TAB2: variants seen among roughly 807,000 people sequenced by gnomAD.
TAB2 encodes the protein TGF-beta-activated kinase 1 and MAP3K7-binding protein 2.
A neutral mutation model predicts 65.0 loss-of-function variants in TAB2; 3 were observed. That is an observed-to-expected ratio of 0.05 (90% confidence interval 0.02 to 0.12). TAB2 has a LOEUF of 0.12. Ranked by LOEUF, TAB2 falls within the 10% of genes least tolerant of loss-of-function variation. The pLI is 1.00. For synonymous variants in TAB2, 298 were observed against 285.1 expected, an observed-to-expected ratio of 1.05 and a Z score of -0.46; for missense variants, 623 against 840.3, an observed-to-expected ratio of 0.74 and a Z score of 3.20.
intron 1 of TAB2, among the ~76,000 whole-genome samples, chr6:149,235,450 G>A (rs567562168): frequency 2.0e-5 from 3 of 152,336 alleles, no homozygotes; most frequent in African/African-American, 7.2e-5. Flanking sequence ...TGTGTTTGGT[G>A]TAACAGCAGA....
At position 149,378,388 on chromosome 6, in the gene TAB2, A is replaced by G. The variant is rs775795498; in HGVS notation, c.473A>G (p.His158Arg). The G allele has an allele frequency of 9.3e-6, 15 of 1,614,216 alleles. No homozygotes were observed. The highest frequency in any genetic ancestry group is 1.6e-4 in the Middle Eastern group (1 of 6,062). Residue 158 changes from histidine (H) to arginine (R), a missense_variant, in exon 3 of 7, where the codon CAC becomes CGC. By Grantham distance (29) the His-to-Arg change is conservative. Coordinates refer to ENST00000637181, the MANE Select transcript of TAB2 (RefSeq NM_001292034.3). ...ASNSAPHLGF[H>R]LGSKGTSSLS... ...AATTCAGCACCACATCTTGGATTTC[A>G]CTTAGGCAGCAAAGGAACATCTAGC...
chr6:149,299,256 G>GTCTATTAGT (rs1268840382), intron 1 of TAB2, among the ~76,000 whole-genome samples: 12 of 152,198 alleles, frequency 7.9e-5, no homozygotes, highest in African/African-American at 2.7e-4. Flanking sequence ...ATTGGCCACT[G>GTCTATTAGT]GTCTTATCAG....
intron 3 of TAB2, among the ~76,000 whole-genome samples, chr6:149,395,241 A>G (rs1195067771): frequency 1.3e-5 from 2 of 152,238 alleles, no homozygotes; most frequent in Admixed American, 6.5e-5. Flanking sequence ...AGTGTTTTTT[A>G]TAAGCAGCAT....
intron 1 of TAB2, among the ~76,000 whole-genome samples, chr6:149,249,123 G>GACAC (rs1309097852): frequency 6.9e-6 from 1 of 144,222 alleles, no homozygotes; most frequent in Non-Finnish European, 1.5e-5. Context: ...TCTGCACACA[G>GACAC]ACACACACAC....
intron 6 of TAB2, chr6:149,401,429 A>G (rs1389660150): frequency 6.5e-6 from 1 of 154,122 alleles, no homozygotes; most frequent in Non-Finnish European, 1.5e-5. Context: ...TTATATCAGA[A>G]ACAATAGATT....
At chr6:149,380,143 G>A (rs1237263733) in intron 3 of TAB2, 4 of 258,964 alleles carry the variant, frequency 1.5e-5, no homozygotes, top group African/African-American at 2.3e-5. Flanking sequence ...AGTAGACTGA[G>A]GTAGGAGGAT....
At chr6:149,270,370 A>C (rs1404920949) in intron 1 of TAB2, among the ~76,000 whole-genome samples, 1 of 152,166 alleles carries the variant, frequency 6.6e-6, no homozygotes, top group Non-Finnish European at 1.5e-5. Flanking sequence ...ACTTCTTACC[A>C]GTCTGTGGCT....
chr6:149,221,151 C>G (rs1405880940), intron 1 of TAB2: 1 of 152,178 alleles, frequency 6.6e-6, no homozygotes. Context: ...TCAACAACCA[C>G]ACAGCAGTCT....
In TAB2 at chr6:149,378,925, A is replaced by G. The variant is rs1338859993; in HGVS notation, c.1010A>G (p.Asn337Ser). The G allele has an allele frequency of 1.9e-6, 3 of 1,614,116 alleles. No individual in the cohort carries two copies. Among genetic ancestry groups the G allele is most frequent in the Admixed American group, 1.7e-5 (1 of 60,012 alleles). ...EIKLEPPQRN[N>S]SSKLRSSGPR... is the part of the protein sequence containing the mutation. ...AAACTTGAACCCCCACAAAGAAATAATTCTTCAAAACTGCGTTCTTCTGGA... is the reference window on the plus strand; with the variant it reads ...AAACTTGAACCCCCACAAAGAAATAGTTCTTCAAAACTGCGTTCTTCTGGA... The change falls in exon 3 of 7, where the codon AAT becomes AGT. Residue 337 changes from asparagine to serine, a missense_variant. Physicochemically the swap from Asn to Ser is conservative, Grantham distance 46. Transcript: ENST00000637181.
intron 1 of TAB2, among the ~76,000 whole-genome samples, chr6:149,328,625 A>C (rs76113739): frequency 0.015 from 2,229 of 152,228 alleles, 55 homozygotes; most frequent in African/African-American, 0.051. Flanking sequence ...TACCTTACTT[A>C]TCCAATAGTT....
At chr6:149,322,790 A>G (rs1349505916) in intron 1 of TAB2, among the ~76,000 whole-genome samples, 2 of 152,190 alleles carry the variant, frequency 1.3e-5, no homozygotes, top group East Asian at 3.8e-4. Flanking sequence ...CATAGTAACT[A>G]TAGAGTAAAT....
At chr6:149,281,061 G>T (rs1324872973) in intron 1 of TAB2, among the ~76,000 whole-genome samples, 1 of 152,052 alleles carries the variant, frequency 6.6e-6, no homozygotes, top group Non-Finnish European at 1.5e-5. Context: ...CCACAAAGGA[G>T]TGCAGAGCAT....
At position 149,379,504 on chromosome 6, in the gene TAB2, C is replaced by A. The variant is rs200669477; in HGVS notation, c.1589C>A (p.Ala530Asp). The A allele has an allele frequency of 1.9e-4, 299 of 1,613,936 alleles. No homozygotes were observed. The highest frequency in any genetic ancestry group is 2.0e-4 in the Non-Finnish European group (240 of 1,180,010). ...AAACTGAGTATGGGATCTGATGATGCTGCCTACACACAAGGTAATATGAAT... is the reference window on the plus strand; with the variant it reads ...AAACTGAGTATGGGATCTGATGATGATGCCTACACACAAGGTAATATGAAT... ...TRKLSMGSDD[A>D]AYTQALLVHQ... The change falls in exon 3 of 7, where the codon GCT becomes GAT. Residue 530 changes from alanine to aspartate, a missense_variant. By Grantham distance (126) the Ala-to-Asp change is moderately radical. Transcript: ENST00000637181.
chr6:149,284,410 GT>G (rs1429526913), intron 1 of TAB2, among the ~76,000 whole-genome samples: 1 of 151,956 alleles, frequency 6.6e-6, no homozygotes, highest in Non-Finnish European at 1.5e-5. Flanking sequence ...TTCCATCAAG[GT>G]CCCAACAATG....
intron 1 of TAB2, chr6:149,244,036 A>G (rs1757623812): frequency 1.3e-5 from 2 of 152,268 alleles, no homozygotes; most frequent in African/African-American, 4.8e-5. Context: ...GATACAGCCC[A>G]TGATCAAAGA....
intron 1 of TAB2, among the ~76,000 whole-genome samples, chr6:149,327,754 A>G (rs1040191220): frequency 3.3e-5 from 5 of 152,210 alleles, no homozygotes; most frequent in Non-Finnish European, 7.3e-5. Flanking sequence ...AACTCTTAGG[A>G]TGATTTTATA....
chr6:149,296,562 T>C (rs911608916), intron 1 of TAB2, among the ~76,000 whole-genome samples: 3 of 152,160 alleles, frequency 2.0e-5, no homozygotes, highest in Admixed American at 6.5e-5. Flanking sequence ...TGTCTTCAGC[T>C]GGGGGAAGGA....
chr6:149,273,355 C>G (rs753256248), intron 1 of TAB2, among the ~76,000 whole-genome samples: 1 of 152,140 alleles, frequency 6.6e-6, no homozygotes, highest in Non-Finnish European at 1.5e-5. Flanking sequence ...GAGAGGCATG[C>G]GTTTCTATTC....
intron 2 of TAB2, among the ~76,000 whole-genome samples, chr6:149,377,591 A>G (rs554318787): frequency 6.6e-6 from 1 of 152,208 alleles, no homozygotes; most frequent in Non-Finnish European, 1.5e-5. Flanking sequence ...CACTTGATAC[A>G]TTGTGCTATA....
Sources: gnomAD v4.1 joint callset for allele counts (sites outside exome capture counted in the v4.1 genomes callset) on GRCh38, gnomAD v4.1.1 for gene constraint, MANE v1.5 for transcripts, NCBI Gene and HGNC (gene_info 2026-07-23, HGNC 2026-07-21) for gene names.